Variants in SHB observed in about 807,000 individuals in gnomAD.
The protein encoded by SHB is SH2 domain-containing adapter protein B.
In SHB, 20 loss-of-function variants were observed where a neutral mutation model predicts 52.3. That is an observed-to-expected ratio of 0.38 (90% CI 0.27 to 0.56). SHB has a LOEUF of 0.56. Among genes scored for constraint, SHB ranks in the 20% least tolerant of loss-of-function variants. The pLI, the probability that SHB is intolerant of heterozygous loss-of-function variation, is 0.71. For synonymous variants in SHB, 397 were observed against 316.5 expected (o/e 1.25, Z -2.70); for missense variants, 825 against 723.3 (o/e 1.14, Z -1.61).
rs113607321 is a variant in SHB, at chr9:38,025,316, C to A, written c.718-9185G>T. Among the ~76,000 whole-genome samples, 143 of 152,286 alleles carry A rather than the reference C, an allele frequency of 9.4e-4. 2 individuals are homozygous for A. Among genetic ancestry groups the A allele is most frequent in the African/African-American group, 3.2e-3 (133 of 41,564 alleles). ...TACTTGGCTCTGCTCAGCTCTCCTG[C>A]AGACTCCATCAACCTCTGTCCACCT... On this transcript the variant is annotated intron_variant, in intron 1 of 5. Transcript: ENST00000377707.
intron 1 of SHB, among the ~76,000 whole-genome samples, chr9:38,041,708 G>C (rs1212005282): frequency 1.3e-5 from 2 of 152,080 alleles, no homozygotes; most frequent in Non-Finnish European, 2.9e-5. Flanking sequence ...CTGAGAAGTC[G>C]AGGAACTGGT....
At chr9:37,996,805 A>G (rs1439300850) in intron 2 of SHB, among the ~76,000 whole-genome samples, 1 of 152,192 alleles carries the variant, frequency 6.6e-6, no homozygotes, top group African/African-American at 2.4e-5. Flanking sequence ...ATGTAGCACT[A>G]ATTATCTGTC....
chr9:37,955,551 C>T (rs1303009255), intron 4 of SHB, among the ~76,000 whole-genome samples: 1 of 152,144 alleles, frequency 6.6e-6, no homozygotes, highest in Non-Finnish European at 1.5e-5. Flanking sequence ...GATCACAGCT[C>T]AACACAGCCT....
chr9:38,065,064 A>G (rs1320382296), intron 1 of SHB, among the ~76,000 whole-genome samples: 3 of 152,196 alleles, frequency 2.0e-5, no homozygotes, highest in African/African-American at 7.2e-5. Flanking sequence ...GCAGTGAGCC[A>G]TAACTGCACT....
Position 38,031,348 on chromosome 9 carries a change from C to T in SHB, c.718-15217G>A, listed in dbSNP as rs547470102. On this transcript the variant is annotated intron_variant, in intron 1 of 5. Coordinates refer to ENST00000377707, the MANE Select transcript of SHB (RefSeq NM_003028.3). ...AAAAACAAAACAAAACAAAATCAAA[C>T]GAAAAAAGATAAAGACAATAACAAT... Among the ~76,000 whole-genome samples, 217 of 151,744 alleles carry T rather than the reference C, an allele frequency of 1.4e-3. 1 individual carries two copies. The highest frequency in any genetic ancestry group is 2.6e-3 in the Non-Finnish European group (176 of 67,886).
At chr9:38,058,365 G>C (rs1346156934) in intron 1 of SHB, among the ~76,000 whole-genome samples, 4 of 152,160 alleles carry the variant, frequency 2.6e-5, no homozygotes. Flanking sequence ...TGAATCTACT[G>C]CATCAGTGGC....
chr9:37,962,718 C>T (rs1832707164), intron 3 of SHB, among the ~76,000 whole-genome samples: 1 of 151,840 alleles, frequency 6.6e-6, no homozygotes, highest in South Asian at 2.1e-4. Flanking sequence ...CGCTATCTTA[C>T]CCAGGCTGGT....
chr9:38,068,601 CT>C lies in SHB; in HGVS notation c.44del (p.Lys15ArgfsTer226). 6.7e-7 allele frequency: 1 copy of C among 1,494,114 alleles called. No individual in the cohort carries two copies. Among genetic ancestry groups the C allele is most frequent in the Non-Finnish European group, 8.8e-7 (1 of 1,133,144 alleles). The allele number at this position is 1,494,114 out of a possible 1,614,324, so 92.6% of individuals were successfully genotyped here. ...LNKYFSLGNS[K>X]TKSPPQPPRP... is the part of the protein sequence containing the mutation. ...GCGGCGGCTGCGGGGGGCTCTTGGT[CT>C]TGCTGTTGCCCAAGCTGAAGTACTT... On this transcript the variant is annotated frameshift_variant, in exon 1 of 6. Transcript: ENST00000377707. LOFTEE classifies it high-confidence loss of function.
intron 1 of SHB, among the ~76,000 whole-genome samples, chr9:38,063,767 C>T (rs1382354463): frequency 6.6e-6 from 1 of 150,878 alleles, no homozygotes; most frequent in East Asian, 1.9e-4. Flanking sequence ...CTCTGCCTAG[C>T]AGGCAGTTTA....
chr9:37,936,038 A>G (rs1289274198), intron 5 of SHB, among the ~76,000 whole-genome samples: 2 of 144,272 alleles, frequency 1.4e-5, no homozygotes, highest in East Asian at 4.0e-4. Flanking sequence ...CCCCGTCTCT[A>G]CTAAAAAAAA....
Position 37,916,189 on chromosome 9 carries a change from G to A in SHB, c.*3632C>T, listed in dbSNP as rs530478678. Among the ~76,000 whole-genome samples, 1 of 152,354 alleles carries A rather than the reference G, an allele frequency of 6.6e-6. No individual in the cohort carries two copies. Among genetic ancestry groups the A allele is most frequent in the Admixed American group, 6.5e-5 (1 of 15,308 alleles). ...GTGCGCCCTGCACTCCCTCTGGATGGCTTGCCGAATTTGGTCTTCGCTGAT... is the reference window on the plus strand; with the variant it reads ...GTGCGCCCTGCACTCCCTCTGGATGACTTGCCGAATTTGGTCTTCGCTGAT... On this transcript the variant is annotated 3_prime_UTR_variant, in exon 6 of 6. Coordinates refer to ENST00000377707, the MANE Select transcript of SHB (RefSeq NM_003028.3).
At chr9:37,992,078 G>T (rs1820888563) in intron 2 of SHB, among the ~76,000 whole-genome samples, 1 of 152,150 alleles carries the variant, frequency 6.6e-6, no homozygotes, top group Admixed American at 6.5e-5. Context: ...CACCTGTGTT[G>T]CTGTTTTATG....
chr9:37,943,005 A>G (rs969250651), intron 5 of SHB, among the ~76,000 whole-genome samples: 21 of 152,124 alleles, frequency 1.4e-4, no homozygotes, highest in Non-Finnish European at 2.8e-4. Flanking sequence ...CAGCCCTGAC[A>G]ATAGCACTGC....
intron 1 of SHB, among the ~76,000 whole-genome samples, chr9:38,026,386 C>T (rs1472506230): frequency 1.3e-5 from 2 of 152,232 alleles, no homozygotes; most frequent in Non-Finnish European, 2.9e-5. Flanking sequence ...TGCAGAGGCG[C>T]GGGAACCCGC....
At chr9:38,049,799 CTTTT>C (rs901763706) in intron 1 of SHB, among the ~76,000 whole-genome samples, 2 of 137,792 alleles carry the variant, frequency 1.5e-5, no homozygotes, top group Non-Finnish European at 3.2e-5. Context: ...ACCATGGGTA[CTTTT>C]TTTTTTTTTT....
At chr9:38,011,090 G>C (rs16934713) in intron 2 of SHB, among the ~76,000 whole-genome samples, 1,986 of 152,312 alleles carry the variant, frequency 0.013, 43 homozygotes, top group African/African-American at 0.045. Context: ...AGGCACCCAA[G>C]TCAGCCTGAT....
intron 2 of SHB, among the ~76,000 whole-genome samples, chr9:37,980,593 T>C (rs1820713104): frequency 6.6e-6 from 1 of 152,228 alleles, no homozygotes; most frequent in African/African-American, 2.4e-5. Flanking sequence ...TTGACCCCTT[T>C]CATGAATCAC....
chr9:38,051,440 TAAAAAA>T (rs59860349), intron 1 of SHB, among the ~76,000 whole-genome samples: 1 of 107,540 alleles, frequency 9.3e-6, no homozygotes, highest in African/African-American at 3.6e-5. Flanking sequence ...AGACTCCGTC[TAAAAAA>T]AAAAAAAAAA....
intron 1 of SHB, among the ~76,000 whole-genome samples, chr9:38,029,786 C>T (rs1387451036): frequency 6.6e-6 from 1 of 152,186 alleles, no homozygotes; most frequent in Non-Finnish European, 1.5e-5. Context: ...CCACCACACC[C>T]GGCCTGCTAT....
Sources: allele counts gnomAD v4.1 joint callset (sites outside exome capture counted in the v4.1 genomes callset), GRCh38; gene constraint gnomAD v4.1.1; transcripts MANE v1.5; gene names NCBI Gene and HGNC (gene_info 2026-07-23, HGNC 2026-07-21).